EFCAB14: variants seen among roughly 807,000 people sequenced by gnomAD.
EFCAB14 encodes the protein EF-hand calcium-binding domain-containing protein 14.
In EFCAB14, 43 loss-of-function variants were observed where a neutral mutation model predicts 56.5. The ratio of observed to expected loss-of-function variants is 0.76; its 90% CI spans 0.60 to 0.98. The LOEUF (loss-of-function observed/expected upper bound fraction) is 0.98, where lower values mean the gene tolerates loss of function less well. Among genes scored for constraint, EFCAB14 ranks in the 50% least tolerant of loss-of-function variants. The pLI is 0.00. For synonymous variants in EFCAB14, 235 were observed against 212.9 expected (o/e 1.10, Z -0.90); for missense variants, 538 against 580.3 (o/e 0.93, Z 0.75).
chr1:46,688,394 T>G lies in EFCAB14; in HGVS notation c.946A>C (p.Met316Leu). ...TTTGCTTTCTTTTCTACCTTGCTCA[T>G]AGCAACCACATCGCTTTCTATCAGG... ...VNLIESDVVA[M>L]SKVEKKANLS... The change falls in exon 7 of 11, where the codon ATG (methionine) becomes CTG (leucine). Residue 316 changes from methionine (M) to leucine (L), a missense_variant. Met to Leu is a conservative substitution (Grantham distance 15). Transcript: ENST00000371933. 1 of 1,613,984 alleles carries G rather than the reference T, an allele frequency of 6.2e-7. No homozygotes were observed. The highest frequency in any genetic ancestry group is 8.5e-7 in the Non-Finnish European group (1 of 1,179,896).
At chr1:46,678,823 A>T (rs1035965307) in intron 10 of EFCAB14, among the ~76,000 whole-genome samples, 187 bp from the exon 11 acceptor site, 5 of 29,540 alleles carry the variant, frequency 1.7e-4, no homozygotes, top group African/African-American at 8.8e-4. Flanking sequence ...AATATATTAA[A>T]AAAAAAAAAA....
At chr1:46,717,676 A>G (rs1677418712) in intron 1 of EFCAB14, among the ~76,000 whole-genome samples, 1 of 151,850 alleles carries the variant, frequency 6.6e-6, no homozygotes, top group African/African-American at 2.4e-5. Flanking sequence ...CCACATTTCC[A>G]CCTCAGATTT....
At chr1:46,689,752 C>A in intron 5 of EFCAB14, 61 bp from the exon 6 acceptor site, 2 of 1,426,526 alleles carry the variant, frequency 1.4e-6, no homozygotes, top group South Asian at 1.2e-5. Context: ...ACTTAACTAT[C>A]TGAGATTGTC....
intron 2 of EFCAB14, among the ~76,000 whole-genome samples, chr1:46,710,946 C>T (rs750004540): frequency 2.1e-4 from 32 of 152,216 alleles, no homozygotes; most frequent in Non-Finnish European, 3.7e-4. Context: ...TCCTTCAGTT[C>T]CATCCATATT....
At chr1:46,702,951 A>G (rs891292079) in intron 3 of EFCAB14, among the ~76,000 whole-genome samples, 2 of 152,126 alleles carry the variant, frequency 1.3e-5, no homozygotes, top group Admixed American at 6.5e-5. Flanking sequence ...CCCTGAACAC[A>G]CCATGTTTTC....
chr1:46,677,191 T>G lies in EFCAB14; in HGVS notation c.*1270A>C, dbSNP rs112430936. 1 of 152,560 alleles carries G rather than the reference T, an allele frequency of 6.6e-6. No homozygotes were observed. The highest frequency in any genetic ancestry group is 1.5e-5 in the Non-Finnish European group (1 of 68,040). The allele number at this position is 152,560 out of a possible 1,614,324, so 9.5% of individuals were successfully genotyped here. ...TCCACAGAAGCATTTAAAGGAAGTA[T>G]TGTACTTGATTGTATTAGATTTGAA... On this transcript the variant is annotated 3_prime_UTR_variant, in exon 11 of 11. Transcript: ENST00000371933.
At chr1:46,715,360 C>T (rs1472507668) in intron 2 of EFCAB14, among the ~76,000 whole-genome samples, 1 of 152,174 alleles carries the variant, frequency 6.6e-6, no homozygotes, top group Non-Finnish European at 1.5e-5. Flanking sequence ...CATACTTAAT[C>T]ACTGAACAAA....
Position 46,678,408 on chromosome 1 carries a change from T to C in EFCAB14, c.*53A>G. On this transcript the variant is annotated 3_prime_UTR_variant, in exon 11 of 11. Coordinates refer to ENST00000371933, the MANE Select transcript of EFCAB14 (RefSeq NM_014774.3). ...TGATGGGTAAGTAAGGGTTGTTTTG[T>C]TGTTAGGTAAATAGATATTAGGCAG... is the stretch of plus-strand genomic sequence containing the variant. 6.3e-7 allele frequency: 1 copy of C among 1,599,566 alleles called. No homozygotes were observed. Among genetic ancestry groups the C allele is most frequent in the Non-Finnish European group, 8.5e-7 (1 of 1,171,420 alleles).
chr1:46,705,285 T>C (rs908187165), intron 3 of EFCAB14, among the ~76,000 whole-genome samples: 9 of 152,196 alleles, frequency 5.9e-5, no homozygotes, highest in African/African-American at 2.2e-4. Context: ...CATAAGTCAG[T>C]CCCAGCATCT....
At chr1:46,713,985 G>T (rs576544759) in intron 2 of EFCAB14, among the ~76,000 whole-genome samples, 6 of 152,196 alleles carry the variant, frequency 3.9e-5, no homozygotes, top group Non-Finnish European at 5.9e-5. Context: ...TCTAAAAATT[G>T]GTAATCCAGG....
In EFCAB14 at chr1:46,706,810, T is replaced by C. The variant is rs147698605; in HGVS notation, c.480+1096A>G. ...TCATGAATAATTTTGAAAGATTAAATAGAACTGAATGGAAAGTGTCATAAG... is the reference window on the plus strand; with the variant it reads ...TCATGAATAATTTTGAAAGATTAAACAGAACTGAATGGAAAGTGTCATAAG... On this transcript the variant is annotated intron_variant, in intron 3 of 10. Transcript: ENST00000371933. Among the ~76,000 whole-genome samples, 730 of 152,354 alleles carry C rather than the reference T, an allele frequency of 4.8e-3. 4 individuals are homozygous for C. The highest frequency in any genetic ancestry group is 0.017 in the African/African-American group (693 of 41,576).
At chr1:46,696,434 G>T in intron 4 of EFCAB14, 117 bp downstream of exon 4, 1 of 960,572 alleles carries the variant, frequency 1.0e-6, no homozygotes, top group Non-Finnish European at 1.6e-6. Context: ...TCTTGGAGCA[G>T]CTGATTTCAA....
intron 5 of EFCAB14, 56 bp downstream of exon 5, chr1:46,691,771 G>T: frequency 7.4e-7 from 1 of 1,343,596 alleles, no homozygotes; most frequent in Non-Finnish European, 1.1e-6. Context: ...TTGGCAACAT[G>T]ACTCTTACAC....
intron 9 of EFCAB14, 125 bp from the exon 10 acceptor site, chr1:46,683,550 A>C: frequency 9.8e-7 from 1 of 1,022,026 alleles, no homozygotes. Context: ...TTGAAGATAA[A>C]GTAGCATAGT....
chr1:46,697,479 C>T (rs982049899), intron 3 of EFCAB14, among the ~76,000 whole-genome samples: 1 of 152,192 alleles, frequency 6.6e-6, no homozygotes, highest in African/African-American at 2.4e-5. Context: ...ACTTGAAAGA[C>T]TCTTAGTTCT....
chr1:46,699,362 T>C (rs1478126356), intron 3 of EFCAB14, among the ~76,000 whole-genome samples: 4 of 152,194 alleles, frequency 2.6e-5, no homozygotes, highest in Non-Finnish European at 5.9e-5. Flanking sequence ...TACTTTCTTT[T>C]CATAGCACTT....
chr1:46,708,863 T>C (rs930629418), intron 2 of EFCAB14, among the ~76,000 whole-genome samples: 8 of 152,196 alleles, frequency 5.3e-5, no homozygotes, highest in African/African-American at 1.9e-4. Flanking sequence ...ATGCTTTCTC[T>C]TCTTTCTTTA....
intron 6 of EFCAB14, among the ~76,000 whole-genome samples, chr1:46,689,255 A>C (rs985462825): frequency 1.3e-5 from 2 of 152,194 alleles, no homozygotes; most frequent in African/African-American, 2.4e-5. Flanking sequence ...ACTCTGGATT[A>C]CTTAGCTATC....
In EFCAB14 at chr1:46,688,408, C is replaced by T. The variant is rs772589424; in HGVS notation, c.932G>A (p.Ser311Asn). 10 of 1,613,882 alleles carry T rather than the reference C, an allele frequency of 6.2e-6. No individual in the cohort carries two copies. The highest frequency in any genetic ancestry group is 7.6e-6 in the Non-Finnish European group (9 of 1,179,918). ...TACCTTGCTCATAGCAACCACATCG[C>T]TTTCTATCAGGTTGACTCTCTGGGT... ...NLTQRVNLIE[S>N]DVVAMSKVEK... is the part of the protein sequence containing the mutation. Residue 311 changes from serine (S) to asparagine (N), a missense_variant, in exon 7 of 11, where the codon AGC (serine) becomes AAC (asparagine). Ser to Asn is a conservative substitution (Grantham distance 46). Transcript: ENST00000371933.
Sources: gnomAD v4.1 joint callset for allele counts (sites outside exome capture counted in the v4.1 genomes callset) on GRCh38, gnomAD v4.1.1 for gene constraint, MANE v1.5 for transcripts, NCBI Gene and HGNC (gene_info 2026-07-23, HGNC 2026-07-21) for gene names.